Variants in MCTP1 observed in about 807,000 individuals in gnomAD.
MCTP1 encodes the protein multiple C2 and transmembrane domain-containing protein 1.
Under a neutral mutation model 120.6 loss-of-function variants are expected in MCTP1, and 69 were observed. The ratio of observed to expected loss-of-function variants is 0.57; its 90% CI spans 0.47 to 0.70. The LOEUF (loss-of-function observed/expected upper bound fraction) is 0.70, where lower values mean the gene tolerates loss of function less well. MCTP1 is among the 30% of genes least tolerant of loss of function. The pLI, the probability that MCTP1 is intolerant of heterozygous loss-of-function variation, is 0.00. For synonymous variants in MCTP1, 529 were observed against 493.1 expected (o/e 1.07, Z -0.96); for missense variants, 1,203 against 1,248.8 (o/e 0.96, Z 0.55).
At chr5:95,023,737 A>G (rs1384375925) in intron 1 of MCTP1, among the ~76,000 whole-genome samples, 1 of 152,244 alleles carries the variant, frequency 6.6e-6, no homozygotes, top group Non-Finnish European at 1.5e-5. Context: ...GTATCTTTAA[A>G]AAAGTGTTCA....
chr5:95,135,196 A>C (rs992778550), intron 1 of MCTP1, among the ~76,000 whole-genome samples: 1 of 152,100 alleles, frequency 6.6e-6, no homozygotes, highest in African/African-American at 2.4e-5. Flanking sequence ...CAGATTCTAT[A>C]ACTCTGGAAA....
At chr5:94,752,808 C>A (rs1768814710) in intron 19 of MCTP1, among the ~76,000 whole-genome samples, 1 of 152,158 alleles carries the variant, frequency 6.6e-6, no homozygotes, top group Non-Finnish European at 1.5e-5. Flanking sequence ...AACAGGGACA[C>A]CTCTGAAAGT....
At chr5:94,823,211 A>G (rs774462486) in intron 17 of MCTP1, among the ~76,000 whole-genome samples, 98 of 152,028 alleles carry the variant, frequency 6.4e-4, no homozygotes, top group Non-Finnish European at 1.3e-3. Context: ...AATCCATCTC[A>G]AGTTAATTTT....
At chr5:94,996,283 C>T (rs749463361) in intron 2 of MCTP1, among the ~76,000 whole-genome samples, 31 of 152,106 alleles carry the variant, frequency 2.0e-4, no homozygotes, top group African/African-American at 4.6e-4. Context: ...AATTAAAGAC[C>T]GTGTGGATGT....
intron 1 of MCTP1, among the ~76,000 whole-genome samples, chr5:95,223,561 G>T (rs186053827): frequency 6.6e-6 from 1 of 152,234 alleles, no homozygotes; most frequent in East Asian, 1.9e-4. Flanking sequence ...ATGGCTCATG[G>T]TCATTATAAT....
Position 94,888,974 on chromosome 5 carries a change from T to C in MCTP1, c.1840-2A>G. The C allele has an allele frequency of 6.2e-7, 1 of 1,602,912 alleles. No individual in the cohort carries two copies. The highest frequency in any genetic ancestry group is 8.5e-7 in the Non-Finnish European group (1 of 1,169,772). On this transcript the variant is annotated splice_acceptor_variant, in intron 11 of 22. Transcript: ENST00000515393. LOFTEE classifies it high-confidence loss of function. ...GTTGTGAAATATCCTCAATGGGCTC[T>C]GAAAGACCCCAACATCAGTATTAGA...
chr5:94,849,920 A>G (rs930254870), intron 17 of MCTP1, among the ~76,000 whole-genome samples: 4 of 152,206 alleles, frequency 2.6e-5, no homozygotes, highest in East Asian at 1.9e-4. Context: ...ACTAGTCACA[A>G]AAACAATGCT....
chr5:95,171,227 T>G (rs968463239), intron 1 of MCTP1, among the ~76,000 whole-genome samples: 2 of 152,216 alleles, frequency 1.3e-5, no homozygotes, highest in African/African-American at 4.8e-5. Context: ...TTAAGAATGT[T>G]GAATATTGGC....
At chr5:94,823,846 G>T (rs897133803) in intron 17 of MCTP1, among the ~76,000 whole-genome samples, 3 of 152,108 alleles carry the variant, frequency 2.0e-5, no homozygotes, top group Non-Finnish European at 4.4e-5. Flanking sequence ...CTCTCTGTTT[G>T]TCTATTATTG....
intron 1 of MCTP1, among the ~76,000 whole-genome samples, chr5:95,046,507 A>G (rs377379592): frequency 6.6e-6 from 1 of 152,190 alleles, no homozygotes; most frequent in Non-Finnish European, 1.5e-5. Context: ...TCAAGACTCA[A>G]AGAGAACTGG....
chr5:95,172,249 C>T (rs1747408998), intron 1 of MCTP1, among the ~76,000 whole-genome samples: 1 of 152,172 alleles, frequency 6.6e-6, no homozygotes, highest in Admixed American at 6.5e-5. Flanking sequence ...AATGTTGCTG[C>T]CTGATCATTC....
chr5:95,111,071 T>C, intron 1 of MCTP1, among the ~76,000 whole-genome samples: 1 of 152,214 alleles, frequency 6.6e-6, no homozygotes, highest in Non-Finnish European at 1.5e-5. Context: ...CTACACAATC[T>C]GCAATACACA....
chr5:94,821,125 C>T (rs959369985), intron 17 of MCTP1, among the ~76,000 whole-genome samples: 4 of 152,122 alleles, frequency 2.6e-5, no homozygotes, highest in Admixed American at 6.5e-5. Flanking sequence ...GTTGCTTTGA[C>T]GGAACTGCAT....
intron 1 of MCTP1, among the ~76,000 whole-genome samples, chr5:95,256,237 A>T (rs976473423): frequency 1.1e-4 from 17 of 152,180 alleles, no homozygotes; most frequent in African/African-American, 4.1e-4. Flanking sequence ...AAATAAATGG[A>T]GGTTTCTTTT....
intron 1 of MCTP1, among the ~76,000 whole-genome samples, chr5:95,134,472 G>A (rs961524308): frequency 2.8e-4 from 42 of 151,948 alleles, no homozygotes; most frequent in South Asian, 2.1e-4. Flanking sequence ...AATTTGGGGC[G>A]GATTCAGCCA....
chr5:95,000,399 C>G (rs554785826), intron 2 of MCTP1, among the ~76,000 whole-genome samples: 1 of 152,066 alleles, frequency 6.6e-6, no homozygotes, highest in Non-Finnish European at 1.5e-5. Context: ...AGGAGGTATT[C>G]CAAAAGAAGG....
rs1205928111 is a variant in MCTP1 at position 94,912,806 on chromosome 5, CT to C, written c.1520del (p.Lys507ArgfsTer7). 6.4e-7 allele frequency: 1 copy of C among 1,560,240 alleles called. No individual in the cohort carries two copies. Among genetic ancestry groups the C allele is most frequent in the Non-Finnish European group, 8.7e-7 (1 of 1,154,350 alleles). The stretch of plus-strand genomic sequence containing the variant: ...AGGAACACAATAGAGACAAGGTTAC[CT>C]TGCTCTTGTACTTCTGATGCCCAAG... ...FRLGHQKYKS[K>X]IMPKTLNPQW... On this transcript the variant is annotated frameshift_variant and splice_region_variant, in exon 9 of 23. Transcript: ENST00000515393. LOFTEE classifies it high-confidence loss of function.
At chr5:95,228,532 G>C (rs1390117005) in intron 1 of MCTP1, among the ~76,000 whole-genome samples, 6 of 152,084 alleles carry the variant, frequency 3.9e-5, no homozygotes, top group African/African-American at 1.4e-4. Flanking sequence ...ACCAGGGAAG[G>C]TTTGTCAAAA....
At chr5:94,998,984 C>A (rs1421742930) in intron 2 of MCTP1, among the ~76,000 whole-genome samples, 1 of 152,182 alleles carries the variant, frequency 6.6e-6, no homozygotes, top group African/African-American at 2.4e-5. Context: ...CTCTCATCTG[C>A]AGGTTGTTAG....
Sources: allele counts gnomAD v4.1 joint callset (sites outside exome capture counted in the v4.1 genomes callset), GRCh38; gene constraint gnomAD v4.1.1; transcripts MANE v1.5; gene names NCBI Gene and HGNC (gene_info 2026-07-23, HGNC 2026-07-21).